The following ZNF302 variants were observed in gnomAD, a reference collection of about 807,000 sequenced individuals.
ZNF302 encodes zinc finger protein 327.
Under a neutral mutation model 10.8 loss-of-function variants are expected in ZNF302, and 12 were observed. That is an observed-to-expected ratio of 1.11 (90% CI 0.71 to 1.79). ZNF302 has a LOEUF of 1.79. Ranked by LOEUF, ZNF302 falls within the 40% of genes most tolerant of loss-of-function variation. The probability of loss-of-function intolerance (pLI) is 0.00; values close to 1 mark genes in which losing one functional copy is unlikely to be tolerated. For synonymous variants in ZNF302, 178 were observed against 157.5 expected (o/e 1.13, Z -0.98); for missense variants, 461 against 471.1 (o/e 0.98, Z 0.20).
rs2068035598 is a variant in ZNF302, at chr19:34,677,742, G to C, written c.-430G>C. The C allele has an allele frequency of 6.6e-6, 1 of 152,292 alleles. No homozygotes were observed. Among genetic ancestry groups the C allele is most frequent in the Non-Finnish European group, 1.5e-5 (1 of 68,074 alleles). The allele number at this position is 152,292 out of a possible 1,614,324, so 9.4% of individuals were successfully genotyped here. ...AAGCTAAGGAACGGTTTGGGGCAGT[G>C]TCGTTCCCGGAGGTCGGCCGCCGTT... On this transcript the variant is annotated 5_prime_UTR_variant, in exon 1 of 5. Coordinates refer to ENST00000505242, the MANE Select transcript of ZNF302 (RefSeq NM_001289187.2).
intron 2 of ZNF302, among the ~76,000 whole-genome samples, chr19:34,679,480 C>T (rs947944708): frequency 6.6e-6 from 1 of 152,200 alleles, no homozygotes; most frequent in African/African-American, 2.4e-5. Context: ...GCCATTACCT[C>T]CCTGATCCCA....
At chr19:34,682,239 G>A (rs2068390346) in intron 2 of ZNF302, 1 of 154,016 alleles carries the variant, frequency 6.5e-6, no homozygotes, top group African/African-American at 2.4e-5. Flanking sequence ...AATACTATTA[G>A]AATGGTGATT....
intron 2 of ZNF302, 46 bp downstream of exon 2, chr19:34,678,859 C>G: frequency 6.2e-7 from 1 of 1,612,462 alleles, no homozygotes; most frequent in South Asian, 1.1e-5. Context: ...TTTATTAGGC[C>G]TCTGTGTGTT....
At chr19:34,679,789 G>C in intron 2 of ZNF302, 2 of 694,792 alleles carry the variant, frequency 2.9e-6, no homozygotes, top group Admixed American at 2.0e-5. Flanking sequence ...TCTGTTCCTG[G>C]TGGGAGGAAT....
In ZNF302 at chr19:34,678,778, C is replaced by CT. The variant is rs1260032496; in HGVS notation, c.-26dup. 6.2e-7 allele frequency: 1 copy of CT among 1,613,818 alleles called. No individual in the cohort carries two copies. Among genetic ancestry groups the CT allele is most frequent in the Admixed American group, 1.7e-5 (1 of 60,014 alleles). ...AAGATAAGAACCTGGAAAGGGGACTCTGTTGGCCATTGGAAATTGCAGAAT... is the reference window on the plus strand; with the variant it reads ...AAGATAAGAACCTGGAAAGGGGACTCTTGTTGGCCATTGGAAATTGCAGAAT... On this transcript the variant is annotated 5_prime_UTR_variant, in exon 2 of 5. Coordinates refer to ENST00000505242, the MANE Select transcript of ZNF302 (RefSeq NM_001289187.2).
Position 34,684,893 on chromosome 19 carries a change from G to C in ZNF302, c.856G>C (p.Glu286Gln), listed in dbSNP as rs763678563. 5.0e-6 allele frequency: 8 copies of C among 1,613,790 alleles called. No homozygotes were observed. The highest frequency in any genetic ancestry group is 1.1e-5 in the South Asian group (1 of 91,060). Residue 286 changes from glutamate to glutamine, a missense_variant, in exon 5 of 5, where the codon GAA becomes CAA. Coordinates refer to ENST00000505242, the MANE Select transcript of ZNF302 (RefSeq NM_001289187.2). ...QSTHTGEKPY[E>Q]CMNCGKSFSR... The stretch of plus-strand genomic sequence containing the variant: ...CACTCACACGGGAGAGAAACCGTAT[G>C]AATGTATGAACTGTGGAAAGTCTTT...
chr19:34,684,446 C>T lies in ZNF302; in HGVS notation c.409C>T (p.Pro137Ser). The T allele has an allele frequency of 1.2e-6, 2 of 1,612,950 alleles. No homozygotes were observed. The highest frequency in any genetic ancestry group is 1.7e-6 in the Non-Finnish European group (2 of 1,179,318). Residue 137 changes from proline to serine, a missense_variant, in exon 5 of 5, where the codon CCA becomes TCA. Coordinates refer to ENST00000505242, the MANE Select transcript of ZNF302 (RefSeq NM_001289187.2). ...TCATTCAAAGTCTACTCTTTCTGAA[C>T]CACAAAACAATTCTGCTGAAGGGAA... ...TFHSKSTLSE[P>S]QNNSAEGNSH...
In ZNF302 at chr19:34,684,749, T is replaced by C; in HGVS notation, c.712T>C (p.Phe238Leu). The C allele has an allele frequency of 6.2e-7, 1 of 1,613,968 alleles. No individual in the cohort carries two copies. The highest frequency in any genetic ancestry group is 8.5e-7 in the Non-Finnish European group (1 of 1,179,906). Residue 238 changes from phenylalanine (F) to leucine (L), a missense_variant, in exon 5 of 5, where the codon TTT (phenylalanine) becomes CTT (leucine). Physicochemically the swap from Phe to Leu is conservative, Grantham distance 22. Coordinates refer to ENST00000505242, the MANE Select transcript of ZNF302 (RefSeq NM_001289187.2). ...PYECRECGKT[F>L]SHGSSLTRHQ... ...TGAATGTCGTGAATGTGGGAAGACT[T>C]TTAGCCATGGTTCATCCCTTACACG...
In ZNF302 at chr19:34,684,613, C is replaced by T. The variant is rs368988797; in HGVS notation, c.576C>T (p.Pro192=). 39 of 1,614,054 alleles carry T rather than the reference C, an allele frequency of 2.4e-5. No individual in the cohort carries two copies. In the African/African-American group the frequency reaches 4.5e-4, roughly 19 times the overall value. ...AFNQSKSLTL[P]QTCNREKIYT... ...ACCAGAGCAAATCTCTTACCCTTCC[C>T]CAGACTTGTAATAGAGAGAAAATCT... The change falls in exon 5 of 5, where the codon CCC becomes CCT. Residue 192 remains proline (P), a synonymous_variant. Transcript: ENST00000505242.
intron 1 of ZNF302, 104 bp from the exon 2 acceptor site, chr19:34,678,633 G>A: frequency 6.3e-6 from 4 of 631,548 alleles, no homozygotes; most frequent in Non-Finnish European, 2.8e-6. Flanking sequence ...TTGACGCTCC[G>A]GCGAGTGATT....
Position 34,685,109 on chromosome 19 carries a change from C to G in ZNF302, c.1072C>G (p.Gln358Glu), listed in dbSNP as rs772387913. The part of the protein sequence containing the change: ...KAFCCSSHLT[Q>E]HQRIHSMKKK... ...TTTCTGCTGTAGCTCACACCTTACT[C>G]AACATCAAAGAATTCACAGTATGAA... The change falls in exon 5 of 5, where the codon CAA becomes GAA. Residue 358 changes from glutamine to glutamate, a missense_variant. Coordinates refer to ENST00000505242, the MANE Select transcript of ZNF302 (RefSeq NM_001289187.2). 1 of 1,612,612 alleles carries G rather than the reference C, an allele frequency of 6.2e-7. No individual in the cohort carries two copies. The highest frequency in any genetic ancestry group is 8.5e-7 in the Non-Finnish European group (1 of 1,179,602).
At chr19:34,683,103 C>G in intron 3 of ZNF302, 52 bp from the exon 4 acceptor site, 1 of 1,611,102 alleles carries the variant, frequency 6.2e-7, no homozygotes, top group Non-Finnish European at 8.5e-7. Flanking sequence ...GTGATGGCCT[C>G]TCATAATAGA....
Position 34,683,140 on chromosome 19 carries a change from T to C in ZNF302, c.131-15T>C, listed in dbSNP as rs2068447740. ...GACCACAGCTTAAACAATTCTATAT[T>C]TTTCCTGTAAGCAGGTCTTTCCGTA... On this transcript the variant is annotated splice_polypyrimidine_tract_variant and intron_variant, in intron 3 of 4. Coordinates refer to ENST00000505242, the MANE Select transcript of ZNF302 (RefSeq NM_001289187.2). 6.2e-7 allele frequency: 1 copy of C among 1,613,866 alleles called. No individual in the cohort carries two copies. The highest frequency in any genetic ancestry group is 1.3e-5 in the African/African-American group (1 of 74,922).
intron 4 of ZNF302, chr19:34,683,919 A>T: frequency 8.4e-7 from 1 of 1,193,300 alleles, no homozygotes; most frequent in Non-Finnish European, 1.1e-6. Flanking sequence ...GATGATTTGT[A>T]ATCCTGAATG....
intron 4 of ZNF302, among the ~76,000 whole-genome samples, 152 bp downstream of exon 4, chr19:34,683,390 C>T (rs936805457): frequency 1.2e-4 from 18 of 152,162 alleles, no homozygotes; most frequent in Admixed American, 7.2e-4. Flanking sequence ...ATTTTCAAAA[C>T]AATTGTTCCT....
At chr19:34,677,199 T>C (rs2067989497), upstream of ZNF302, 1 of 145,680 alleles carries the variant, frequency 6.9e-6, no homozygotes. Context: ...GTGAACAGCA[T>C]AGCGGCAGGG....
intron 4 of ZNF302, 75 bp from the exon 5 acceptor site, chr19:34,684,177 A>T: frequency 3.0e-5 from 1 of 33,774 alleles, no homozygotes; most frequent in East Asian, 6.0e-4. Context: ...GAAGTAAAAA[A>T]AAAAAAAAAA....
chr19:34,683,864 A>G (rs1349142186), intron 4 of ZNF302: 6 of 803,394 alleles, frequency 7.5e-6, no homozygotes, highest in South Asian at 4.8e-5. Flanking sequence ...AAAAAAGGCT[A>G]TGAAACAAAA....
chr19:34,681,984 AAT>A (rs1600099248), intron 2 of ZNF302: 2 of 152,340 alleles, frequency 1.3e-5, no homozygotes, highest in East Asian at 3.9e-4. Context: ...GTAGTTTATA[AAT>A]AATGAAAATT....
Sources: gnomAD v4.1 joint callset for allele counts (sites outside exome capture counted in the v4.1 genomes callset) on GRCh38, gnomAD v4.1.1 for gene constraint, MANE v1.5 for transcripts, NCBI Gene and HGNC (gene_info 2026-07-23, HGNC 2026-07-21) for gene names.